Variants in TTBK2 observed in about 807,000 individuals in gnomAD.
TTBK2 encodes the protein tau-tubulin kinase 2.
In TTBK2, 28 loss-of-function variants were observed where a neutral mutation model predicts 110.8. That is an observed-to-expected ratio of 0.25 (90% CI 0.19 to 0.35). TTBK2 has a LOEUF of 0.35. TTBK2 is among the 10% of genes least tolerant of loss of function. TTBK2 has a pLI of 1.00. For synonymous variants in TTBK2, 532 were observed against 527.3 expected, an observed-to-expected ratio of 1.01 and a Z score of -0.12; for missense variants, 1,369 against 1,500.3, an observed-to-expected ratio of 0.91 and a Z score of 1.45.
At chr15:42,803,459 T>C (rs60789298) in intron 9 of TTBK2, among the ~76,000 whole-genome samples, 10,045 of 152,098 alleles carry the variant, frequency 0.066, 954 homozygotes, top group African/African-American at 0.21. Flanking sequence ...AAGTGCCCCA[T>C]GTGGTTGGCT....
chr15:42,863,889 T>C (rs1225024647), intron 3 of TTBK2, among the ~76,000 whole-genome samples: 1 of 152,142 alleles, frequency 6.6e-6, no homozygotes, highest in Non-Finnish European at 1.5e-5. Context: ...ATGCAGAAAA[T>C]TGAAACTAGA....
chr15:42,881,433 C>T (rs1057403796), intron 1 of TTBK2, among the ~76,000 whole-genome samples: 5 of 147,324 alleles, frequency 3.4e-5, no homozygotes, highest in African/African-American at 5.0e-5. Context: ...AATTTACATA[C>T]GAAAGCACAA....
In TTBK2 at chr15:42,745,463, A is replaced by AC. The variant is rs540443679; in HGVS notation, c.*331dup. The AC allele has an allele frequency of 1.4e-4, 42 of 304,826 alleles. 1 individual carries two copies. In the South Asian group the frequency reaches 1.6e-3, roughly 12 times the overall value. The allele number at this position is 304,826 out of a possible 1,614,324, so 18.9% of individuals were successfully genotyped here. On this transcript the variant is annotated 3_prime_UTR_variant, in exon 15 of 15. Transcript: ENST00000267890. ...AATTGAGGCTTAAAAAAATTAGGCA[A>AC]CCCCCCTAAAATTCCATTCTATCTC...
Position 42,755,701 on chromosome 15 carries a change from C to G in TTBK2, c.1999-2454G>C, listed in dbSNP as rs139857605. Among the ~76,000 whole-genome samples the G allele has an allele frequency of 4.3e-3, 662 of 152,226 alleles. 7 individuals carry two copies. The highest frequency in any genetic ancestry group is 0.015 in the African/African-American group (633 of 41,530). ...TCCTTCAGGAAGTTATCTCATATTT[C>G]TGTTTTAATTATTCTAAAATATATT... On this transcript the variant is annotated intron_variant, in intron 13 of 14. Coordinates refer to ENST00000267890, the MANE Select transcript of TTBK2 (RefSeq NM_173500.4).
At position 42,878,688 on chromosome 15, in the gene TTBK2, AAAC is replaced by A. The variant is rs924739639; in HGVS notation, c.-67-7_-67-5del. ...CCAAGGGTGGTTTCCATTTAACCTA[AAAC>A]AACAACAACAAAAAATAGTAGCAGT... On this transcript the variant is annotated splice_region_variant and splice_polypyrimidine_tract_variant and intron_variant, in intron 1 of 14. Coordinates refer to ENST00000267890, the MANE Select transcript of TTBK2 (RefSeq NM_173500.4). The A allele has an allele frequency of 1.7e-5, 27 of 1,611,768 alleles. No homozygotes were observed. The highest frequency in any genetic ancestry group is 1.7e-4 in the Admixed American group (10 of 59,944).
At chr15:42,753,763 C>A (rs989887080) in intron 13 of TTBK2, among the ~76,000 whole-genome samples, 18 of 152,180 alleles carry the variant, frequency 1.2e-4, no homozygotes. Flanking sequence ...CACTTCTACT[C>A]CCCTTTCAGG....
intron 1 of TTBK2, among the ~76,000 whole-genome samples, chr15:42,894,992 C>A (rs1416183734): frequency 6.6e-6 from 1 of 152,086 alleles, no homozygotes; most frequent in Non-Finnish European, 1.5e-5. Context: ...ACAGGAGAAG[C>A]ATTTGACAAA....
chr15:42,800,812 G>T (rs572462928), intron 9 of TTBK2, among the ~76,000 whole-genome samples: 1 of 151,928 alleles, frequency 6.6e-6, no homozygotes, highest in Non-Finnish European at 1.5e-5. Context: ...GCATGGGCAA[G>T]GGGGGGTCCC....
At chr15:42,779,521 A>G (rs1044836693) in intron 11 of TTBK2, among the ~76,000 whole-genome samples, 2 of 152,214 alleles carry the variant, frequency 1.3e-5, no homozygotes, top group African/African-American at 4.8e-5. Flanking sequence ...ATAAGAAAAT[A>G]CATTTATAGA....
At chr15:42,830,418 C>A (rs1233071159) in intron 4 of TTBK2, among the ~76,000 whole-genome samples, 1 of 152,000 alleles carries the variant, frequency 6.6e-6, no homozygotes, top group African/African-American at 2.4e-5. Context: ...GAACTCCTGA[C>A]CTCAGGTGAT....
At chr15:42,871,972 T>G (rs1894632882) in intron 3 of TTBK2, among the ~76,000 whole-genome samples, 1 of 152,196 alleles carries the variant, frequency 6.6e-6, no homozygotes, top group Admixed American at 6.5e-5. Context: ...AGTATGTCAT[T>G]AAGCTGAGAA....
At chr15:42,826,848 T>C (rs1180355631) in intron 6 of TTBK2, among the ~76,000 whole-genome samples, 1 of 152,014 alleles carries the variant, frequency 6.6e-6, no homozygotes, top group Non-Finnish European at 1.5e-5. Context: ...AAAATAGAGG[T>C]TGTGGTAAAG....
chr15:42,807,147 C>T lies in TTBK2; in HGVS notation c.822+3467G>A, dbSNP rs138405519. ...TTTTATGTAATCTACATTTAAATAGCCCCATTCCTAAACCTGGAAAGTATA... is the reference window on the plus strand; with the variant it reads ...TTTTATGTAATCTACATTTAAATAGTCCCATTCCTAAACCTGGAAAGTATA... On this transcript the variant is annotated intron_variant, in intron 9 of 14. Transcript: ENST00000267890. Among the ~76,000 whole-genome samples the T allele has an allele frequency of 3.7e-3, 559 of 152,266 alleles. 2 individuals are homozygous for T. The highest frequency in any genetic ancestry group is 0.013 in the African/African-American group (534 of 41,538).
At chr15:42,880,967 T>C (rs1461930294) in intron 1 of TTBK2, among the ~76,000 whole-genome samples, 1 of 152,104 alleles carries the variant, frequency 6.6e-6, no homozygotes, top group African/African-American at 2.4e-5. Context: ...CATACTGAGT[T>C]TGTGCCATAG....
rs909583030 is a variant in TTBK2 at position 42,840,278 on chromosome 15, T to C, written c.291+82A>G. 24 of 1,188,688 alleles carry C rather than the reference T, an allele frequency of 2.0e-5. No individual in the cohort carries two copies. In the African/African-American group the frequency reaches 3.3e-4, roughly 16 times the overall value. The allele number at this position is 1,188,688 out of a possible 1,614,324, so 73.6% of individuals were successfully genotyped here. ...TTCTCACATGGTACTAAGATTGTTG[T>C]TACTTTTTATTCATATTCACTGTAA... On this transcript the variant is annotated intron_variant, in intron 4 of 14. Coordinates refer to ENST00000267890, the MANE Select transcript of TTBK2 (RefSeq NM_173500.4).
chr15:42,842,853 T>C (rs549830311), intron 3 of TTBK2, among the ~76,000 whole-genome samples: 3 of 152,194 alleles, frequency 2.0e-5, no homozygotes, highest in African/African-American at 7.2e-5. Flanking sequence ...GAGAACACAA[T>C]AATTCACAAT....
intron 11 of TTBK2, among the ~76,000 whole-genome samples, chr15:42,780,578 G>C (rs1217330692): frequency 1.3e-5 from 2 of 151,836 alleles, no homozygotes; most frequent in Non-Finnish European, 2.9e-5. Flanking sequence ...GAAAACAGAA[G>C]ATGAAAAATA....
chr15:42,792,794 C>T (rs569357619), intron 10 of TTBK2, among the ~76,000 whole-genome samples: 15 of 152,240 alleles, frequency 9.9e-5, no homozygotes, highest in African/African-American at 3.6e-4. Context: ...TATTTTGAAG[C>T]TTAGGCATCT....
intron 1 of TTBK2, among the ~76,000 whole-genome samples, chr15:42,880,369 A>G (rs1030070798): frequency 6.6e-6 from 1 of 152,178 alleles, no homozygotes; most frequent in Admixed American, 6.5e-5. Context: ...AATCCTATTT[A>G]AGACCAGCAG....
Sources: allele counts gnomAD v4.1 joint callset (sites outside exome capture counted in the v4.1 genomes callset), GRCh38; gene constraint gnomAD v4.1.1; transcripts MANE v1.5; gene names NCBI Gene and HGNC (gene_info 2026-07-23, HGNC 2026-07-21).